Variants in NHEJ1 observed in about 807,000 individuals in gnomAD.
The protein encoded by NHEJ1 is non-homologous end-joining factor 1.
NHEJ1 carries 22 observed loss-of-function variants against 39.4 expected under a neutral mutation model. That is an observed-to-expected ratio of 0.56 (90% CI 0.40 to 0.80). The LOEUF (loss-of-function observed/expected upper bound fraction) is 0.80. Among genes scored for constraint, NHEJ1 ranks in the 30% least tolerant of loss-of-function variants. The pLI is 0.00. For missense variants in NHEJ1, 329 were observed against 357.1 expected, an observed-to-expected ratio of 0.92 and a Z score of 0.63; for synonymous variants, 154 against 135.6, an observed-to-expected ratio of 1.14 and a Z score of -0.94.
intron 5 of NHEJ1, among the ~76,000 whole-genome samples, chr2:219,128,055 T>C (rs990353041): frequency 3.3e-5 from 5 of 152,240 alleles, no homozygotes; most frequent in African/African-American, 1.2e-4. Flanking sequence ...GCAAGACCTC[T>C]ATATCCATTA....
intron 5 of NHEJ1, among the ~76,000 whole-genome samples, chr2:219,129,567 T>G (rs1371835860): frequency 6.6e-6 from 1 of 152,202 alleles, no homozygotes; most frequent in Non-Finnish European, 1.5e-5. Flanking sequence ...CAAGTTTCTA[T>G]GAAGACTAAT....
At chr2:219,122,006 A>C (rs1187305488) in intron 5 of NHEJ1, among the ~76,000 whole-genome samples, 1 of 152,116 alleles carries the variant, frequency 6.6e-6, no homozygotes, top group Non-Finnish European at 1.5e-5. Context: ...AGCTCTTACT[A>C]GTTAAATCTT....
At chr2:219,076,544 G>C (rs1399651645) in intron 7 of NHEJ1, 89 bp from the exon 8 acceptor site, 1 of 893,736 alleles carries the variant, frequency 1.1e-6, no homozygotes, top group Non-Finnish European at 1.7e-6. Context: ...ATGGCTCCTG[G>C]TTAGGATGAG....
chr2:219,080,615 T>TTA lies in NHEJ1; in HGVS notation c.589-2411_589-2410dup, dbSNP rs1262378492. ...TATATATATGCTAATATATATAAGCTTATATATATGCTAATATATATAAGC... is the reference window on the plus strand; with the variant it reads ...TATATATATGCTAATATATATAAGCTTATATATATATGCTAATATATATAAGC... On this transcript the variant is annotated intron_variant, in intron 5 of 7. Transcript: ENST00000356853. Among the ~76,000 whole-genome samples, 396 of 89,096 alleles carry TTA rather than the reference T, an allele frequency of 4.4e-3. 5 individuals are homozygous for TTA. Among genetic ancestry groups the TTA allele is most frequent in the African/African-American group, 0.016 (364 of 22,768 alleles). The allele number at this position is 89,096 out of a possible 152,430, so 58.5% of individuals were successfully genotyped here.
chr2:219,156,455 GTGC>G (rs1393683276), intron 3 of NHEJ1, among the ~76,000 whole-genome samples: 1 of 152,156 alleles, frequency 6.6e-6, no homozygotes, highest in East Asian at 1.9e-4. Flanking sequence ...TGTCCCCTAA[GTGC>G]TACTGACTAA....
At chr2:219,153,710 G>A (rs1267105061) in intron 3 of NHEJ1, among the ~76,000 whole-genome samples, 3 of 145,260 alleles carry the variant, frequency 2.1e-5, no homozygotes, top group Non-Finnish European at 3.0e-5. Flanking sequence ...GGGGTGGAGA[G>A]AGAGAGAGAG....
At chr2:219,087,644 T>C (rs754145618) in intron 5 of NHEJ1, among the ~76,000 whole-genome samples, 3 of 151,986 alleles carry the variant, frequency 2.0e-5, no homozygotes, top group Non-Finnish European at 2.9e-5. Context: ...TCGTACTCTA[T>C]AGGGTGACGC....
rs1335578048 is a variant in NHEJ1, at chr2:219,157,695, A to G, written c.178-11T>C. On this transcript the variant is annotated splice_polypyrimidine_tract_variant and intron_variant, in intron 2 of 7. Coordinates refer to ENST00000356853, the MANE Select transcript of NHEJ1 (RefSeq NM_024782.3). ...CCGCTTGTTCAGCTCCTAAAGAGAG[A>G]GCAGTGGTACAGAGTAAGGGTGCTA... The G allele has an allele frequency of 2.5e-6, 4 of 1,609,772 alleles. No individual in the cohort carries two copies. Among genetic ancestry groups the G allele is most frequent in the Non-Finnish European group, 1.7e-6 (2 of 1,177,258 alleles).
chr2:219,135,065 C>T (rs1053760619), intron 5 of NHEJ1, among the ~76,000 whole-genome samples: 1 of 60,054 alleles, frequency 1.7e-5, no homozygotes, highest in African/African-American at 5.6e-5. Context: ...AAAAATTCAA[C>T]ATGTATGTGA....
intron 5 of NHEJ1, among the ~76,000 whole-genome samples, chr2:219,091,957 G>A (rs916520514): frequency 1.2e-4 from 18 of 152,174 alleles, no homozygotes; most frequent in African/African-American, 4.1e-4. Flanking sequence ...ATTCATTCAA[G>A]AACTTTTTAC....
chr2:219,140,479 CAGTATGGT>C (rs1341063317), intron 5 of NHEJ1, among the ~76,000 whole-genome samples: 2 of 152,120 alleles, frequency 1.3e-5, no homozygotes, highest in Non-Finnish European at 1.5e-5. Context: ...ATGGTGGCTC[CAGTATGGT>C]AGCAGCAGAG....
At chr2:219,102,089 C>CTT (rs1335802404) in intron 5 of NHEJ1, among the ~76,000 whole-genome samples, 1 of 152,152 alleles carries the variant, frequency 6.6e-6, no homozygotes, top group Admixed American at 6.5e-5. Flanking sequence ...GTCATATTTC[C>CTT]ATAATGATGG....
chr2:219,147,351 G>A (rs1470325310), intron 4 of NHEJ1, among the ~76,000 whole-genome samples: 2 of 152,168 alleles, frequency 1.3e-5, no homozygotes, highest in Admixed American at 6.5e-5. Context: ...GCATGGTGGC[G>A]TGCGTCTACA....
intron 5 of NHEJ1, among the ~76,000 whole-genome samples, chr2:219,090,971 C>A (rs937660352): frequency 1.3e-5 from 2 of 152,184 alleles, no homozygotes; most frequent in African/African-American, 4.8e-5. Context: ...TTCATTTACT[C>A]ATTTCCTGTC....
chr2:219,151,302 T>G (rs1337788349), intron 3 of NHEJ1, among the ~76,000 whole-genome samples: 2 of 152,006 alleles, frequency 1.3e-5, no homozygotes, highest in Non-Finnish European at 2.9e-5. Context: ...CAACAGAAAC[T>G]CCTAAATTAA....
At chr2:219,115,714 C>T (rs1949407444) in intron 5 of NHEJ1, among the ~76,000 whole-genome samples, 1 of 152,226 alleles carries the variant, frequency 6.6e-6, no homozygotes, top group African/African-American at 2.4e-5. Context: ...TCTTTTCATA[C>T]ACAAAGTCCA....
chr2:219,100,182 G>C (rs748807191), intron 5 of NHEJ1, among the ~76,000 whole-genome samples: 1 of 152,188 alleles, frequency 6.6e-6, no homozygotes, highest in Non-Finnish European at 1.5e-5. Flanking sequence ...AACTAGTTTA[G>C]AACAAAAAGG....
chr2:219,127,542 G>A (rs1949536973), intron 5 of NHEJ1, among the ~76,000 whole-genome samples: 1 of 152,010 alleles, frequency 6.6e-6, no homozygotes, highest in African/African-American at 2.4e-5. Context: ...CTAATCCAAG[G>A]CCCATTTCTT....
chr2:219,123,872 T>C (rs2106346738), intron 5 of NHEJ1, among the ~76,000 whole-genome samples: 1 of 152,360 alleles, frequency 6.6e-6, no homozygotes, highest in African/African-American at 2.4e-5. Context: ...TCTCAGGCGC[T>C]GTGTTCTGTC....
Sources: gnomAD v4.1 joint callset for allele counts (sites outside exome capture counted in the v4.1 genomes callset) on GRCh38, gnomAD v4.1.1 for gene constraint, MANE v1.5 for transcripts, NCBI Gene and HGNC (gene_info 2026-07-23, HGNC 2026-07-21) for gene names.